The following CECR2 variants were observed in gnomAD, a reference collection of about 807,000 sequenced individuals.
CECR2 encodes the protein chromatin remodeling regulator CECR2.
A neutral mutation model predicts 154.5 loss-of-function variants in CECR2; 30 were observed. The ratio of observed to expected loss-of-function variants is 0.19; its 90% CI spans 0.15 to 0.26. CECR2 has a LOEUF of 0.26. CECR2 is among the 10% of genes least tolerant of loss of function. CECR2 has a pLI of 1.00. For synonymous variants in CECR2, 725 were observed against 683.7 expected, an observed-to-expected ratio of 1.06 and a Z score of -0.94; for missense variants, 1,743 against 1,829.3, an observed-to-expected ratio of 0.95 and a Z score of 0.86.
intron 1 of CECR2, among the ~76,000 whole-genome samples, chr22:17,446,730 A>T (rs1215618761): frequency 7.2e-6 from 1 of 139,838 alleles, no homozygotes; most frequent in Non-Finnish European, 1.5e-5. Context: ...ACAAAACAAA[A>T]CAAAAAGGTG....
Position 17,556,718 on chromosome 22 carries a change from A to T in CECR2, c.*3878A>T, listed in dbSNP as rs758188819. ...CTGCTTGCAGAGAACCTTGGTTTTC[A>T]TAGAAAGGAAAGGCTGAAGGTTTTC... On this transcript the variant is annotated 3_prime_UTR_variant, in exon 19 of 19. Coordinates refer to ENST00000262608, the MANE Select transcript of CECR2 (RefSeq NM_001290047.2). 7 of 152,224 alleles carry T rather than the reference A, an allele frequency of 4.6e-5. No individual in the cohort carries two copies. The highest frequency in any genetic ancestry group is 1.4e-4 in the African/African-American group (6 of 41,456). 9.4% of individuals were successfully genotyped at this position (152,224 alleles called of 1,614,324 possible). A position where few individuals can be genotyped will look rare whatever the true frequency, so the allele number is the denominator to read the frequency against.
Position 17,512,026 on chromosome 22 carries a change from A to G in CECR2, c.954+130A>G, listed in dbSNP as rs145660179. 1.4e-3 allele frequency: 975 copies of G among 685,112 alleles called. 9 individuals are homozygous for G. In the African/African-American group the frequency reaches 0.015, roughly 11 times the overall value. 42.4% of individuals were successfully genotyped at this position (685,112 alleles called of 1,614,324 possible). On this transcript the variant is annotated intron_variant, in intron 8 of 18. Coordinates refer to ENST00000262608, the MANE Select transcript of CECR2 (RefSeq NM_001290047.2). ...CTAAACCCCAAATGTTTATTTAGCA[A>G]TCTTATGCTTAAGATACATTTCTAG...
chr22:17,410,532 C>G (rs2054053082), intron 1 of CECR2, among the ~76,000 whole-genome samples: 1 of 152,096 alleles, frequency 6.6e-6, no homozygotes, highest in African/African-American at 2.4e-5. Context: ...ACTGCAACCT[C>G]CACCTCCTGA....
At chr22:17,452,553 A>G (rs1030117802) in intron 1 of CECR2, among the ~76,000 whole-genome samples, 1 of 152,172 alleles carries the variant, frequency 6.6e-6, no homozygotes, top group African/African-American at 2.4e-5. Context: ...CGTGAGAGAG[A>G]AGAGTTAAGG....
At chr22:17,364,362 A>AAAAAAAAAAAAAAAAAAAAAG (rs1491212019) in intron 1 of CECR2, among the ~76,000 whole-genome samples, 1 of 133,412 alleles carries the variant, frequency 7.5e-6, no homozygotes, top group Non-Finnish European at 1.5e-5. Context: ...AAAAAAAAAA[A>AAAAAAAAAAAAAAAAAAAAAG]GAATTTGTGC....
chr22:17,468,202 A>AT (rs1569101735), intron 1 of CECR2, among the ~76,000 whole-genome samples: 6 of 152,220 alleles, frequency 3.9e-5, no homozygotes. Context: ...CTTACTGAAA[A>AT]TAAGTAATAT....
chr22:17,394,104 C>G (rs530421577), intron 1 of CECR2, among the ~76,000 whole-genome samples: 2 of 148,246 alleles, frequency 1.3e-5, no homozygotes, highest in South Asian at 4.4e-4. Context: ...TCAGGCTGGT[C>G]TTGAACTCCC....
intron 9 of CECR2, chr22:17,524,947 G>C (rs1184900529): frequency 1.1e-5 from 4 of 351,060 alleles, no homozygotes; most frequent in African/African-American, 2.2e-5. Flanking sequence ...GATTACAGGC[G>C]TGAGCCACTG....
chr22:17,366,359 T>C (rs1253265710), upstream of CECR2, among the ~76,000 whole-genome samples: 1 of 152,120 alleles, frequency 6.6e-6, no homozygotes, highest in Non-Finnish European at 1.5e-5. Flanking sequence ...AGCTAATTTT[T>C]TGTATTTTTA....
At chr22:17,526,469 AC>A (rs2056266739) in intron 9 of CECR2, among the ~76,000 whole-genome samples, 1 of 152,154 alleles carries the variant, frequency 6.6e-6, no homozygotes. Context: ...ATGAAACTAG[AC>A]CCCTATCTCC....
At chr22:17,397,139 A>T (rs1255648582) in intron 1 of CECR2, among the ~76,000 whole-genome samples, 3 of 150,256 alleles carry the variant, frequency 2.0e-5, no homozygotes, top group Admixed American at 6.6e-5. Context: ...TATTTATTTT[A>T]TTTATTTATT....
chr22:17,393,877 CT>C (rs998135996), intron 1 of CECR2, among the ~76,000 whole-genome samples: 10 of 144,500 alleles, frequency 6.9e-5, no homozygotes, highest in Non-Finnish European at 1.4e-4. Context: ...TGTAAGAGTT[CT>C]TTTTTATTCA....
chr22:17,363,142 A>G (rs1439422218), intron 1 of CECR2, among the ~76,000 whole-genome samples: 1 of 149,986 alleles, frequency 6.7e-6, no homozygotes, highest in Non-Finnish European at 1.5e-5. Context: ...CTCTGCCTCC[A>G]GGGTTCAAGC....
intron 1 of CECR2, among the ~76,000 whole-genome samples, chr22:17,360,524 A>T (rs571373399): frequency 6.6e-6 from 1 of 152,302 alleles, no homozygotes; most frequent in South Asian, 2.1e-4. Flanking sequence ...TCTACTAAAA[A>T]TACAAAAATT....
intron 1 of CECR2, among the ~76,000 whole-genome samples, chr22:17,452,022 A>G (rs1034924976): frequency 6.6e-6 from 1 of 152,170 alleles, no homozygotes; most frequent in African/African-American, 2.4e-5. Flanking sequence ...AAGTTGTGGG[A>G]CGTCAGATCG....
intron 3 of CECR2, among the ~76,000 whole-genome samples, 158 bp from the exon 4 acceptor site, chr22:17,499,252 G>T (rs1026538114): frequency 3.9e-5 from 6 of 152,030 alleles, no homozygotes; most frequent in Admixed American, 3.3e-4. Flanking sequence ...GCCTCCCAAA[G>T]TGCTGGGATT....
At chr22:17,446,851 T>G (rs947873554) in intron 1 of CECR2, among the ~76,000 whole-genome samples, 5 of 152,116 alleles carry the variant, frequency 3.3e-5, no homozygotes, top group Non-Finnish European at 7.3e-5. Context: ...GCCAGCTTTA[T>G]TCCCTTATTT....
rs370762400 is a variant in CECR2 at position 17,546,220 on chromosome 22, G to T, written c.2861-1928G>T. Among the ~76,000 whole-genome samples the T allele has an allele frequency of 2.3e-4, 35 of 152,296 alleles. No homozygotes were observed. The East Asian group carries it at 6.2e-3, about 27-fold the overall frequency. ...GAATCCTGTTTAGGCCGGCGCGATG[G>T]CTCACGCCTGTAATCCCAGCACTTT... is the stretch of plus-strand genomic sequence containing the variant. On this transcript the variant is annotated intron_variant, in intron 16 of 18. Transcript: ENST00000262608.
At chr22:17,365,900 C>T (rs2062999906), upstream of CECR2, among the ~76,000 whole-genome samples, 1 of 151,788 alleles carries the variant, frequency 6.6e-6, no homozygotes, top group Non-Finnish European at 1.5e-5. Context: ...AGATTATCCT[C>T]CAGGAACCTA....
Sources: gnomAD v4.1 joint callset for allele counts (sites outside exome capture counted in the v4.1 genomes callset) on GRCh38, gnomAD v4.1.1 for gene constraint, MANE v1.5 for transcripts, NCBI Gene and HGNC (gene_info 2026-07-23, HGNC 2026-07-21) for gene names.